The following DPP6 variants were observed in gnomAD, a reference collection of about 807,000 sequenced individuals.
DPP6 encodes the protein A-type potassium channel modulatory protein DPP6.
Under a neutral mutation model 122.6 loss-of-function variants are expected in DPP6, and 69 were observed. The observed-to-expected ratio is 0.56, with a 90% CI of 0.46 to 0.69. The LOEUF is 0.69. Among genes scored for constraint, DPP6 ranks in the 30% least tolerant of loss-of-function variants. The pLI is 0.00. For missense variants in DPP6, 928 were observed against 1,116.9 expected (o/e 0.83, Z 2.41); for synonymous variants, 418 against 433.1 (o/e 0.97, Z 0.43).
chr7:154,722,753 G>A (rs1299613236), intron 7 of DPP6, among the ~76,000 whole-genome samples: 1 of 152,082 alleles, frequency 6.6e-6, no homozygotes, highest in Admixed American at 6.5e-5. Flanking sequence ...GAGGCTTCAA[G>A]TCCCTTTAGG....
chr7:154,837,318 C>T (rs1177401577), intron 16 of DPP6, among the ~76,000 whole-genome samples: 1 of 151,728 alleles, frequency 6.6e-6, no homozygotes, highest in Non-Finnish European at 1.5e-5. Context: ...CACACAAACA[C>T]ATGCACACAC....
intron 1 of DPP6, among the ~76,000 whole-genome samples, chr7:154,089,671 C>A: frequency 7.2e-6 from 1 of 139,236 alleles, no homozygotes; most frequent in Admixed American, 7.6e-5. Context: ...CTCATTCCCA[C>A]GGCAGTCCTC....
chr7:154,749,177 AG>A (rs1208135174), intron 8 of DPP6, among the ~76,000 whole-genome samples: 1 of 145,650 alleles, frequency 6.9e-6, no homozygotes, highest in Non-Finnish European at 1.5e-5. Flanking sequence ...ATAGGACAGG[AG>A]GGAGAGGGAT....
chr7:154,463,369 G>A (rs931405317), intron 2 of DPP6, among the ~76,000 whole-genome samples: 5 of 151,750 alleles, frequency 3.3e-5, no homozygotes, highest in Admixed American at 6.6e-5. Flanking sequence ...CACCACGCCC[G>A]GCTAATTTTT....
At chr7:153,923,183 A>G (rs552080221) in intron 1 of DPP6, among the ~76,000 whole-genome samples, 2 of 152,344 alleles carry the variant, frequency 1.3e-5, no homozygotes, top group South Asian at 4.1e-4. Flanking sequence ...CAGGCACTGA[A>G]CACCTAGGAG....
At chr7:153,877,673 T>C in the DPP6 span, among the ~76,000 whole-genome samples, 5 of 152,286 alleles carry the variant, frequency 3.3e-5, no homozygotes, top group Admixed American at 3.3e-4. Flanking sequence ...TGACCAATCT[T>C]ATTAATTAAA....
At chr7:154,385,832 G>T (rs975896150) in intron 1 of DPP6, among the ~76,000 whole-genome samples, 1 of 152,152 alleles carries the variant, frequency 6.6e-6, no homozygotes, top group African/African-American at 2.4e-5. Context: ...GTCCTGAGGG[G>T]TCATTGCTAG....
intron 18 of DPP6, among the ~76,000 whole-genome samples, chr7:154,872,262 A>G (rs1203912791): frequency 6.6e-6 from 1 of 152,152 alleles, no homozygotes; most frequent in African/African-American, 2.4e-5. Flanking sequence ...TCAGATGCTG[A>G]GAGATGCCTT....
At chr7:154,089,135 C>G (rs1487527190) in intron 1 of DPP6, among the ~76,000 whole-genome samples, 1 of 152,202 alleles carries the variant, frequency 6.6e-6, no homozygotes, top group African/African-American at 2.4e-5. Context: ...TTGGATTTCT[C>G]AAGAGTGACT....
At chr7:154,029,502 G>A (rs1799118823) in intron 1 of DPP6, among the ~76,000 whole-genome samples, 1 of 151,460 alleles carries the variant, frequency 6.6e-6, no homozygotes, top group Non-Finnish European at 1.5e-5. Flanking sequence ...GGGTGACTGA[G>A]CGAGACTCCA....
intron 1 of DPP6, among the ~76,000 whole-genome samples, chr7:154,290,136 A>T (rs954444596): frequency 1.3e-5 from 2 of 152,346 alleles, no homozygotes; most frequent in Middle Eastern, 3.4e-3. Context: ...AATGTTGCTC[A>T]TGTTGCCAGT....
chr7:154,883,886 T>TGCTCACACAC lies in DPP6; in HGVS notation c.2134-1746_2134-1737dup, dbSNP rs1805762059. On this transcript the variant is annotated intron_variant, in intron 21 of 25. Coordinates refer to ENST00000377770, the MANE Select transcript of DPP6 (RefSeq NM_130797.4). ...TTACACATGCTCCCACATACATACATGCTCACACACATTACATACACATGC... is the reference window on the plus strand; with the variant it reads ...TTACACATGCTCCCACATACATACATGCTCACACACGCTCACACACATTACATACACATGC... 1.8e-5 allele frequency: 2 copies of TGCTCACACAC among 109,950 alleles called. 1 individual carries two copies. The highest frequency in any genetic ancestry group is 3.6e-5 in the Non-Finnish European group (2 of 56,100). The allele number at this position is 109,950 out of a possible 1,614,324, so 6.8% of individuals were successfully genotyped here. A position where few individuals can be genotyped will look rare whatever the true frequency, so the allele number is the denominator to read the frequency against.
At chr7:154,185,442 C>T (rs768940643) in intron 1 of DPP6, among the ~76,000 whole-genome samples, 24 of 152,066 alleles carry the variant, frequency 1.6e-4, no homozygotes, top group Admixed American at 2.0e-4. Context: ...TATCAGAGTC[C>T]GTTCCATCAG....
At chr7:154,562,031 A>G (rs1411275212) in intron 4 of DPP6, among the ~76,000 whole-genome samples, 1 of 152,188 alleles carries the variant, frequency 6.6e-6, no homozygotes, top group Non-Finnish European at 1.5e-5. Flanking sequence ...AAATAGTACC[A>G]ATTCTGCACA....
intron 6 of DPP6, among the ~76,000 whole-genome samples, chr7:154,661,626 G>T (rs34251306): frequency 2.4e-5 from 1 of 41,628 alleles, no homozygotes; most frequent in East Asian, 1.3e-3. Context: ...TCACCATGGC[G>T]TATTGGCCGT....
intron 1 of DPP6, among the ~76,000 whole-genome samples, chr7:154,043,618 T>C (rs564503777): frequency 1.3e-5 from 2 of 151,122 alleles, no homozygotes; most frequent in East Asian, 3.9e-4. Context: ...AATTGCCTAC[T>C]CAAGGAAGAT....
intron 1 of DPP6, among the ~76,000 whole-genome samples, chr7:154,419,072 A>T (rs1008066531): frequency 6.6e-6 from 1 of 152,258 alleles, no homozygotes; most frequent in African/African-American, 2.4e-5. Flanking sequence ...GAAATGGAAT[A>T]CAAGAATTAA....
Position 154,305,585 on chromosome 7 carries a change from TGTGC to T in DPP6, c.244-140621_244-140618del. On this transcript the variant is annotated intron_variant, in intron 1 of 25. Transcript: ENST00000377770. ...GCTTTTGGGGGTCCGTGTGTGTGTG[TGTGC>T]GTGCGTGTGCATGCGTGCATATGTG... The T allele has an allele frequency of 3.2e-6, 5 of 1,573,322 alleles. No homozygotes were observed. The Admixed American group carries it at 5.6e-5, about 18-fold the overall frequency.
At chr7:154,167,680 C>T (rs972837341) in intron 1 of DPP6, among the ~76,000 whole-genome samples, 9 of 152,088 alleles carry the variant, frequency 5.9e-5, no homozygotes, top group Admixed American at 3.3e-4. Context: ...ATTTTGAGCC[C>T]GACATTCACG....
Sources: gnomAD v4.1 joint callset for allele counts (sites outside exome capture counted in the v4.1 genomes callset) on GRCh38, gnomAD v4.1.1 for gene constraint, MANE v1.5 for transcripts, NCBI Gene and HGNC (gene_info 2026-07-23, HGNC 2026-07-21) for gene names.